Variants in SLIT3 observed in about 807,000 individuals in gnomAD.
SLIT3 encodes the protein slit homolog 3 protein.
In SLIT3, 68 loss-of-function variants were observed where a neutral mutation model predicts 184.0. That is an observed-to-expected ratio of 0.37 (90% CI 0.30 to 0.45). The LOEUF (loss-of-function observed/expected upper bound fraction) is 0.45. Ranked by LOEUF, SLIT3 falls within the 20% of genes least tolerant of loss-of-function variation. SLIT3 has a pLI of 1.00. For missense variants in SLIT3, 1,707 were observed against 2,026.0 expected, an observed-to-expected ratio of 0.84 and a Z score of 3.02; for synonymous variants, 831 against 828.6, an observed-to-expected ratio of 1.00 and a Z score of -0.05.
In SLIT3 at chr5:168,784,488, G is replaced by C. The variant is rs76287571; in HGVS notation, c.1151+1419C>G. On this transcript the variant is annotated intron_variant, in intron 12 of 35. Transcript: ENST00000519560. Reference sequence around the variant, plus strand: ...CTTTCAGCTTCACTGAAACAAACCTGGTTGCTGGTATGATAGATCTGCTCC... The same window carrying C: ...CTTTCAGCTTCACTGAAACAAACCTCGTTGCTGGTATGATAGATCTGCTCC... 3.8e-3 allele frequency among the ~76,000 whole-genome samples: 577 copies of C among 152,234 alleles called. 4 individuals carry two copies. The highest frequency in any genetic ancestry group is 0.013 in the African/African-American group (560 of 41,554).
rs1296176818 is a variant in SLIT3, at chr5:168,665,671, G to A, written c.*783C>T. ...TAGTCAGTCCTCGATTGGAAGCCAGGGCCAGCCAGGAAGGAGAAGAGGGGT... is the reference window on the plus strand; with the variant it reads ...TAGTCAGTCCTCGATTGGAAGCCAGAGCCAGCCAGGAAGGAGAAGAGGGGT... On this transcript the variant is annotated 3_prime_UTR_variant, in exon 36 of 36. Coordinates refer to ENST00000519560, the MANE Select transcript of SLIT3 (RefSeq NM_003062.4). 2 of 152,980 alleles carry A rather than the reference G, an allele frequency of 1.3e-5. No individual in the cohort carries two copies. The highest frequency in any genetic ancestry group is 2.9e-5 in the Non-Finnish European group (2 of 68,686). The allele number at this position is 152,980 out of a possible 1,614,324, so 9.5% of individuals were successfully genotyped here. A position where few individuals can be genotyped will look rare whatever the true frequency, so the allele number is the denominator to read the frequency against.
At chr5:169,016,690 G>A (rs927304796) in intron 4 of SLIT3, among the ~76,000 whole-genome samples, 2 of 152,212 alleles carry the variant, frequency 1.3e-5, no homozygotes, top group Non-Finnish European at 2.9e-5. Context: ...AGTGTTAAAG[G>A]CATGTTAATA....
At position 168,752,975 on chromosome 5, in the gene SLIT3, C is replaced by T. The variant is rs571939156; in HGVS notation, c.1953G>A (p.Thr651=). ...CTTACATGGTGGACAGGGAGACAAG[C>T]GTGGTGAAGGCCCCAGGGGTGATGG... The part of the protein sequence containing the change: ...ITTITPGAFT[T]LVSLSTINLL... The change falls in exon 18 of 36, where the codon ACG becomes ACA. Residue 651 remains threonine (T), a synonymous_variant. Transcript: ENST00000519560. 9.3e-6 allele frequency: 15 copies of T among 1,614,004 alleles called. No homozygotes were observed. The highest frequency in any genetic ancestry group is 5.5e-5 in the South Asian group (5 of 91,058).
intron 32 of SLIT3, among the ~76,000 whole-genome samples, 187 bp from the exon 33 acceptor site, chr5:168,673,518 C>T (rs773290510): frequency 8.5e-5 from 13 of 152,170 alleles, no homozygotes; most frequent in Non-Finnish European, 1.8e-4. Context: ...CAGTTTCTCC[C>T]ATTACTCCAA....
chr5:168,928,583 G>C (rs557400190), intron 4 of SLIT3, among the ~76,000 whole-genome samples: 101 of 152,272 alleles, frequency 6.6e-4, no homozygotes, highest in Middle Eastern at 3.4e-3. Flanking sequence ...GTCACTGCCT[G>C]CCTCTTTGTG....
intron 4 of SLIT3, among the ~76,000 whole-genome samples, chr5:169,001,860 C>T (rs532117979): frequency 9.9e-5 from 15 of 152,238 alleles, no homozygotes; most frequent in East Asian, 1.9e-4. Flanking sequence ...ACCAAAGTCT[C>T]CCTCCTTTTT....
chr5:168,728,300 A>ATATC (rs1554135974), intron 20 of SLIT3, among the ~76,000 whole-genome samples: 4 of 140,306 alleles, frequency 2.9e-5, no homozygotes, highest in Non-Finnish European at 6.3e-5. Flanking sequence ...ATATATATAT[A>ATATC]TCCTCAGAGA....
chr5:169,006,473 C>T (rs988353825), intron 4 of SLIT3, among the ~76,000 whole-genome samples: 14 of 152,116 alleles, frequency 9.2e-5, no homozygotes, highest in South Asian at 2.1e-4. Flanking sequence ...TCCCACATTA[C>T]ACACAAGTTG....
rs1762153550 is a variant in SLIT3, at chr5:168,936,212, C to A, written c.414-52876G>T. On this transcript the variant is annotated intron_variant, in intron 4 of 35. Transcript: ENST00000519560. ...GGGCCAAGACCAAATGCTGCACCAGCTCATTCACATGCCTTCCTGGGCCAC... is the reference window on the plus strand; with the variant it reads ...GGGCCAAGACCAAATGCTGCACCAGATCATTCACATGCCTTCCTGGGCCAC... Among the ~76,000 whole-genome samples the A allele has an allele frequency of 2.0e-5, 3 of 152,268 alleles. No homozygotes were observed. In the South Asian group the frequency reaches 6.2e-4, roughly 32 times the overall value.
At chr5:169,004,002 A>G (rs1333679600) in intron 4 of SLIT3, among the ~76,000 whole-genome samples, 3 of 152,166 alleles carry the variant, frequency 2.0e-5, no homozygotes, top group African/African-American at 4.8e-5. Context: ...TTAGGAAAAC[A>G]TTGGTAAATC....
Position 169,213,948 on chromosome 5 carries a change from C to T in SLIT3, c.342-20398G>A, listed in dbSNP as rs868816683. Among the ~76,000 whole-genome samples the T allele has an allele frequency of 6.8e-4, 104 of 152,256 alleles. 1 individual carries two copies. The highest frequency in any genetic ancestry group is 2.2e-3 in the African/African-American group (91 of 41,556). ...GTGGAATAAAGTAAGAGTGGCCAAA[C>T]GAAGGTACCAAGATGGCAAGTAATA... On this transcript the variant is annotated intron_variant, in intron 3 of 35. Transcript: ENST00000519560.
rs70976498 is a variant in SLIT3, at chr5:168,703,944, C to CAA, written c.2845-3267_2845-3266dup. 2.3e-3 allele frequency among the ~76,000 whole-genome samples: 106 copies of CAA among 46,816 alleles called. 6 individuals carry two copies. The highest frequency in any genetic ancestry group is 2.9e-3 in the Non-Finnish European group (76 of 25,906). The allele number at this position is 46,816 out of a possible 152,430, so 30.7% of individuals were successfully genotyped here. ...TGGCAACGGAGTGAGACTCTGTCTC[C>CAA]AAAAAAAAAAAAAAAAAAAAAAAAA... On this transcript the variant is annotated intron_variant, in intron 26 of 35. Transcript: ENST00000519560.
intron 23 of SLIT3, among the ~76,000 whole-genome samples, chr5:168,718,706 A>ATT (rs1291976099): frequency 9.4e-5 from 13 of 137,902 alleles, no homozygotes; most frequent in African/African-American, 3.6e-4. Flanking sequence ...ACACACACAC[A>ATT]CACACACACA....
chr5:168,742,360 G>A (rs1763661789), intron 20 of SLIT3, among the ~76,000 whole-genome samples: 2 of 150,654 alleles, frequency 1.3e-5, no homozygotes, highest in Non-Finnish European at 2.9e-5. Context: ...TAAAAATGAG[G>A]CATTTTCTTC....
chr5:169,132,372 T>C (rs1761335347), intron 4 of SLIT3, among the ~76,000 whole-genome samples: 1 of 152,166 alleles, frequency 6.6e-6, no homozygotes, highest in East Asian at 1.9e-4. Flanking sequence ...CTGTGTTATA[T>C]CCATTAAAAC....
rs183811956 is a variant in SLIT3, at chr5:168,672,752, G to T, written c.3841+425C>A. 1.4e-4 allele frequency among the ~76,000 whole-genome samples: 21 copies of T among 152,308 alleles called. No homozygotes were observed. The East Asian group carries it at 3.1e-3, about 22-fold the overall frequency. On this transcript the variant is annotated intron_variant, in intron 33 of 35. Transcript: ENST00000519560. ...GCCTCCCAAAGTGTTGGGATTACAG[G>T]TGTGAGCCACTGCACCTGGCCTACT... is the stretch of plus-strand genomic sequence containing the variant.
intron 4 of SLIT3, among the ~76,000 whole-genome samples, chr5:169,157,938 T>G (rs530076400): frequency 1.1e-3 from 162 of 148,018 alleles, no homozygotes; most frequent in African/African-American, 3.8e-3. Flanking sequence ...TTACACAATC[T>G]GAACAACAGA....
intron 2 of SLIT3, among the ~76,000 whole-genome samples, chr5:169,248,651 G>A (rs566599913): frequency 1.6e-4 from 25 of 152,256 alleles, no homozygotes; most frequent in African/African-American, 4.3e-4. Context: ...TTTAGCACTG[G>A]ATCAGGATCG....
intron 5 of SLIT3, among the ~76,000 whole-genome samples, chr5:168,857,372 G>GTTT (rs1189370513): frequency 7.9e-6 from 1 of 126,720 alleles, no homozygotes; most frequent in Non-Finnish European, 1.7e-5. Flanking sequence ...TAGAGTTTTT[G>GTTT]TTTTTGTTTT....
Sources: allele counts gnomAD v4.1 joint callset (sites outside exome capture counted in the v4.1 genomes callset), GRCh38; gene constraint gnomAD v4.1.1; transcripts MANE v1.5; gene names NCBI Gene and HGNC (gene_info 2026-07-23, HGNC 2026-07-21).